Variants in SLC9C2 observed in about 807,000 individuals in gnomAD.
SLC9C2 encodes solute carrier family 9 member C2 (putative).
A neutral mutation model predicts 140.2 loss-of-function variants in SLC9C2; 75 were observed. The ratio of observed to expected loss-of-function variants is 0.53; its 90% CI spans 0.44 to 0.65. SLC9C2 has a LOEUF of 0.65. SLC9C2 is among the 30% of genes least tolerant of loss of function. SLC9C2 has a pLI of 0.00. For missense variants in SLC9C2, 1,074 were observed against 1,331.8 expected, an observed-to-expected ratio of 0.81 and a Z score of 3.01; for synonymous variants, 375 against 420.9, an observed-to-expected ratio of 0.89 and a Z score of 1.34.
At chr1:173,531,112 C>A (rs1429722093) in intron 17 of SLC9C2, among the ~76,000 whole-genome samples, 1 of 152,112 alleles carries the variant, frequency 6.6e-6, no homozygotes, top group African/African-American at 2.4e-5. Flanking sequence ...CTATGAGCCA[C>A]CTAACTTTAC....
At chr1:173,598,925 G>T (rs1412049054) in intron 3 of SLC9C2, among the ~76,000 whole-genome samples, 3 of 152,202 alleles carry the variant, frequency 2.0e-5, no homozygotes, top group Admixed American at 2.0e-4. Context: ...ATGAGTGGAG[G>T]CAAATTGTTA....
intron 4 of SLC9C2, among the ~76,000 whole-genome samples, chr1:173,597,250 A>C (rs1317213391): frequency 6.6e-6 from 1 of 152,126 alleles, no homozygotes; most frequent in African/African-American, 2.4e-5. Flanking sequence ...GGAAAATTCA[A>C]AACAATTTGT....
At chr1:173,519,719 GAGTATAGTATA>G (rs1660668403) in intron 22 of SLC9C2, among the ~76,000 whole-genome samples, 1 of 152,166 alleles carries the variant, frequency 6.6e-6, no homozygotes, top group Admixed American at 6.5e-5. Flanking sequence ...ATTCTAATGG[GAGTATAGTATA>G]ATGGCTAAGC....
chr1:173,533,501 C>T (rs1269293418), intron 17 of SLC9C2, 108 bp downstream of exon 17: 82 of 762,256 alleles, frequency 1.1e-4, no homozygotes, highest in Non-Finnish European at 7.5e-5. Context: ...TTGTCTCAAA[C>T]TTCTGGACTC....
chr1:173,510,837 T>C (rs868150145), intron 23 of SLC9C2, among the ~76,000 whole-genome samples: 75 of 152,220 alleles, frequency 4.9e-4, no homozygotes, highest in African/African-American at 1.8e-3. Flanking sequence ...TTATATTCCT[T>C]TGGGTATTTA....
In SLC9C2 at chr1:173,575,878, G is replaced by A. The variant is rs946954978; in HGVS notation, c.902+783C>T. Reference sequence around the variant, plus strand: ...CAGGCGTGAGCCACCGTGCCCGGCCGCCCATGTTTTTTCATTTTGCCGAGT... The same window carrying A: ...CAGGCGTGAGCCACCGTGCCCGGCCACCCATGTTTTTTCATTTTGCCGAGT... On this transcript the variant is annotated intron_variant, in intron 8 of 27. Transcript: ENST00000367714. Among the ~76,000 whole-genome samples the A allele has an allele frequency of 3.3e-5, 5 of 152,104 alleles. No homozygotes were observed. In the South Asian group the frequency reaches 8.3e-4, roughly 25 times the overall value.
intron 22 of SLC9C2, among the ~76,000 whole-genome samples, chr1:173,519,088 T>G (rs989355599): frequency 6.6e-6 from 1 of 152,006 alleles, no homozygotes; most frequent in African/African-American, 2.4e-5. Context: ...CTGTACCAGA[T>G]TAGTATTTGA....
rs537582162 is a variant in SLC9C2, at chr1:173,561,404, A to AT, written c.1047-3897dup. Among the ~76,000 whole-genome samples, 337 of 152,256 alleles carry AT rather than the reference A, an allele frequency of 2.2e-3. 4 individuals are homozygous for AT. The highest frequency in any genetic ancestry group is 7.8e-3 in the African/African-American group (326 of 41,534). ...TGGCTTCTAAGCTGAAAGACTACTT[A>AT]TTTTTTAAGGCAAGTTTGCATAGCT... On this transcript the variant is annotated intron_variant, in intron 9 of 27. Transcript: ENST00000367714.
chr1:173,532,841 GC>G (rs1360265529), intron 17 of SLC9C2, among the ~76,000 whole-genome samples: 1 of 152,126 alleles, frequency 6.6e-6, no homozygotes, highest in Non-Finnish European at 1.5e-5. Flanking sequence ...GAGCCCAGGA[GC>G]TTTAGACCAG....
chr1:173,546,455 C>A, intron 13 of SLC9C2, among the ~76,000 whole-genome samples: 1 of 152,314 alleles, frequency 6.6e-6, no homozygotes, highest in African/African-American at 2.4e-5. Context: ...GTGGCACGCA[C>A]TTGTAATTCC....
intron 23 of SLC9C2, among the ~76,000 whole-genome samples, chr1:173,510,482 C>T (rs1659962767): frequency 6.6e-6 from 1 of 152,158 alleles, no homozygotes; most frequent in Non-Finnish European, 1.5e-5. Context: ...TCTCATTCCT[C>T]TCACCCCCTC....
intron 10 of SLC9C2, 132 bp downstream of exon 10, chr1:173,557,208 T>C (rs929924659): frequency 2.4e-6 from 2 of 841,944 alleles, no homozygotes; most frequent in Non-Finnish European, 3.8e-6. Context: ...GCTCTGTTCC[T>C]TTCTACTTAA....
At chr1:173,524,682 G>A in intron 20 of SLC9C2, 97 bp downstream of exon 20, 1 of 1,356,000 alleles carries the variant, frequency 7.4e-7, no homozygotes, top group Non-Finnish European at 1.0e-6. Flanking sequence ...GTTAACACCT[G>A]TGGTTAAACA....
At chr1:173,601,935 C>T in intron 1 of SLC9C2, 80 bp from the exon 2 acceptor site, 1 of 863,788 alleles carries the variant, frequency 1.2e-6, no homozygotes, top group Non-Finnish European at 1.8e-6. Flanking sequence ...TTGTGCCACA[C>T]TCAGATCTGA....
intron 12 of SLC9C2, 137 bp downstream of exon 12, chr1:173,548,252 T>C (rs1662997059): frequency 4.6e-6 from 4 of 870,318 alleles, no homozygotes; most frequent in Non-Finnish European, 5.2e-6. Flanking sequence ...TTCACCAAAA[T>C]AGCAAAGCCA....
chr1:173,523,246 C>T (rs1040376616), intron 21 of SLC9C2, among the ~76,000 whole-genome samples: 63 of 152,096 alleles, frequency 4.1e-4, no homozygotes, highest in African/African-American at 1.5e-3. Context: ...GTGGCACAGG[C>T]CTGTAATCCC....
chr1:173,595,218 C>T (rs1666375603), intron 4 of SLC9C2, among the ~76,000 whole-genome samples: 1 of 152,066 alleles, frequency 6.6e-6, no homozygotes, highest in African/African-American at 2.4e-5. Context: ...GTTAGTATGT[C>T]GGCTCTCAAT....
At chr1:173,587,196 A>G (rs1665902069) in intron 5 of SLC9C2, among the ~76,000 whole-genome samples, 1 of 152,150 alleles carries the variant, frequency 6.6e-6, no homozygotes, top group African/African-American at 2.4e-5. Flanking sequence ...TTTCTTGAAG[A>G]TAAACTATAA....
chr1:173,585,439 T>G (rs1665794056), intron 5 of SLC9C2, among the ~76,000 whole-genome samples: 1 of 152,198 alleles, frequency 6.6e-6, no homozygotes. Context: ...TTAAGAAAAC[T>G]GTTTTGAAGA....
Sources: gnomAD v4.1 joint callset for allele counts (sites outside exome capture counted in the v4.1 genomes callset) on GRCh38, gnomAD v4.1.1 for gene constraint, MANE v1.5 for transcripts, NCBI Gene and HGNC (gene_info 2026-07-23, HGNC 2026-07-21) for gene names.